Variants in CREBL2 observed in about 807,000 individuals in gnomAD.
CREBL2 encodes cAMP responsive element binding protein like 2, also known as cAMP-responsive element-binding protein-like 2.
In CREBL2, 4 loss-of-function variants were observed where a neutral mutation model predicts 19.5. The observed-to-expected ratio is 0.20, with a 90% confidence interval of 0.10 to 0.47. The LOEUF is 0.47. Ranked by LOEUF, CREBL2 falls within the 20% of genes least tolerant of loss-of-function variation. CREBL2 has a pLI of 0.98. For synonymous variants in CREBL2, 42 were observed against 46.6 expected, an observed-to-expected ratio of 0.90 and a Z score of 0.40; for missense variants, 85 against 145.1, an observed-to-expected ratio of 0.59 and a Z score of 2.13.
intron 3 of CREBL2, among the ~76,000 whole-genome samples, chr12:12,638,792 G>C (rs1174564456): frequency 6.6e-6 from 1 of 152,200 alleles, no homozygotes; most frequent in Non-Finnish European, 1.5e-5. Context: ...AGGCTGTCTA[G>C]TGCAGTAGCC....
chr12:12,634,079 C>A (rs950400554), intron 1 of CREBL2, among the ~76,000 whole-genome samples: 1 of 152,162 alleles, frequency 6.6e-6, no homozygotes, highest in African/African-American at 2.4e-5. Context: ...GTGTATAGTT[C>A]TAACATATTG....
intron 1 of CREBL2, among the ~76,000 whole-genome samples, chr12:12,631,734 A>G (rs1054445956): frequency 1.1e-4 from 16 of 152,212 alleles, no homozygotes; most frequent in Non-Finnish European, 2.2e-4. Context: ...TGAAATATAT[A>G]AAGTTTAGTA....
At chr12:12,632,235 G>A (rs1439850205) in intron 1 of CREBL2, among the ~76,000 whole-genome samples, 8 of 150,676 alleles carry the variant, frequency 5.3e-5, no homozygotes, top group Non-Finnish European at 8.9e-5. Context: ...CCGCCACTAC[G>A]CCCGGCTAAT....
chr12:12,617,080 T>G (rs1201939048), intron 1 of CREBL2, among the ~76,000 whole-genome samples: 1 of 152,242 alleles, frequency 6.6e-6, no homozygotes, highest in Admixed American at 6.5e-5. Flanking sequence ...GCCATCTAGC[T>G]GGCTGGAGTG....
chr12:12,620,539 T>A (rs1304327870), intron 1 of CREBL2, among the ~76,000 whole-genome samples: 1 of 152,184 alleles, frequency 6.6e-6, no homozygotes, highest in Admixed American at 6.5e-5. Flanking sequence ...CGCCTTCCTT[T>A]CTTGTCTAGG....
chr12:12,641,647 T>G (rs1161888352), intron 3 of CREBL2, among the ~76,000 whole-genome samples: 1 of 152,126 alleles, frequency 6.6e-6, no homozygotes, highest in Admixed American at 6.6e-5. Context: ...TTTTACAAAA[T>G]TGAAGAAATC....
intron 1 of CREBL2, among the ~76,000 whole-genome samples, chr12:12,633,845 A>C (rs531246133): frequency 6.6e-6 from 1 of 152,232 alleles, no homozygotes; most frequent in Non-Finnish European, 1.5e-5. Flanking sequence ...GAGTTTTGCT[A>C]TCTGGGAAGG....
intron 1 of CREBL2, among the ~76,000 whole-genome samples, chr12:12,634,774 G>A (rs1214387200): frequency 6.6e-6 from 1 of 152,166 alleles, no homozygotes; most frequent in Non-Finnish European, 1.5e-5. Flanking sequence ...TTCTTCATGA[G>A]TCCAGGCACA....
chr12:12,614,857 GTT>G (rs34663387), intron 1 of CREBL2: 3,951 of 168,288 alleles, frequency 0.023, 1 homozygote, highest in South Asian at 0.054. Flanking sequence ...TAGGGCATTA[GTT>G]TTTTTTTTTT....
Position 12,611,905 on chromosome 12 carries a change from AAC to A in CREBL2, c.-265_-264del. On this transcript the variant is annotated 5_prime_UTR_variant, in exon 1 of 4. Transcript: ENST00000228865. ...TCGGCGGCTCTCCAGAGCGTCTGTA[AAC>A]ACCCAGAGACTGTCATGGAGGGGGA... 1.9e-6 allele frequency: 1 copy of A among 537,072 alleles called. No homozygotes were observed. The highest frequency in any genetic ancestry group is 3.3e-6 in the Non-Finnish European group (1 of 303,760). The allele number at this position is 537,072 out of a possible 1,614,324, so 33.3% of individuals were successfully genotyped here.
At chr12:12,641,246 TA>T (rs1293717541) in intron 3 of CREBL2, among the ~76,000 whole-genome samples, 29 of 52,210 alleles carry the variant, frequency 5.6e-4, no homozygotes, top group African/African-American at 1.2e-3. Context: ...TTATTATTAT[TA>T]TTATTATTTT....
intron 1 of CREBL2, among the ~76,000 whole-genome samples, chr12:12,628,209 T>C (rs1592240220): frequency 6.6e-6 from 1 of 152,248 alleles, no homozygotes; most frequent in African/African-American, 2.4e-5. Context: ...GTAAACATCC[T>C]AGTGGGTGTA....
chr12:12,625,672 C>T (rs1945396376), intron 1 of CREBL2, among the ~76,000 whole-genome samples: 1 of 152,166 alleles, frequency 6.6e-6, no homozygotes, highest in South Asian at 2.1e-4. Flanking sequence ...AGTCTCTGGA[C>T]TAAAATCTTG....
intron 1 of CREBL2, among the ~76,000 whole-genome samples, chr12:12,622,307 A>G (rs935275585): frequency 1.3e-5 from 2 of 152,248 alleles, no homozygotes; most frequent in Non-Finnish European, 2.9e-5. Flanking sequence ...GTTGCAGTTG[A>G]TGCGGCGTGC....
intron 1 of CREBL2, 39 bp downstream of exon 1, chr12:12,612,226 C>A (rs561313853): frequency 1.2e-6 from 2 of 1,613,280 alleles, no homozygotes; most frequent in Non-Finnish European, 1.7e-6. Context: ...GCCTTCTTGT[C>A]GCTCAATGCT....
intron 1 of CREBL2, among the ~76,000 whole-genome samples, chr12:12,632,266 A>T (rs1945447779): frequency 6.6e-6 from 1 of 150,544 alleles, no homozygotes; most frequent in African/African-American, 2.4e-5. Context: ...TTTAGTAGAG[A>T]CGGGGTTTCA....
intron 1 of CREBL2, among the ~76,000 whole-genome samples, chr12:12,617,232 G>T (rs926516586): frequency 6.6e-6 from 1 of 152,046 alleles, no homozygotes; most frequent in African/African-American, 2.4e-5. Flanking sequence ...TGATGTACTC[G>T]GGCTTTATTA....
At chr12:12,619,483 T>C (rs1211630009) in intron 1 of CREBL2, among the ~76,000 whole-genome samples, 2 of 152,096 alleles carry the variant, frequency 1.3e-5, no homozygotes, top group Non-Finnish European at 2.9e-5. Context: ...GGTATGCAGC[T>C]ATAATCCCAG....
chr12:12,613,661 T>C (rs1945284941), intron 1 of CREBL2, among the ~76,000 whole-genome samples: 1 of 152,214 alleles, frequency 6.6e-6, no homozygotes, highest in Non-Finnish European at 1.5e-5. Context: ...GGAAGTGGTA[T>C]TTCCAAGACA....
Sources: allele counts gnomAD v4.1 joint callset (sites outside exome capture counted in the v4.1 genomes callset), GRCh38; gene constraint gnomAD v4.1.1; transcripts MANE v1.5; gene names NCBI Gene and HGNC (gene_info 2026-07-23, HGNC 2026-07-21).